SLC9B2: variants seen among roughly 807,000 people sequenced by gnomAD.
SLC9B2 encodes the protein solute carrier family 9 member B2, also known as sodium/hydrogen exchanger 9B2.
In SLC9B2, 39 loss-of-function variants were observed where a neutral mutation model predicts 52.2. The ratio of observed to expected loss-of-function variants is 0.75; its 90% CI spans 0.58 to 0.98. The LOEUF (loss-of-function observed/expected upper bound fraction) is 0.98, where lower values mean the gene tolerates loss of function less well. SLC9B2 is among the 50% of genes least tolerant of loss of function. The probability of loss-of-function intolerance (pLI) is 0.00; values close to 1 mark genes in which losing one functional copy is unlikely to be tolerated. For synonymous variants in SLC9B2, 214 were observed against 227.0 expected, an observed-to-expected ratio of 0.94 and a Z score of 0.51; for missense variants, 626 against 637.5, an observed-to-expected ratio of 0.98 and a Z score of 0.19.
intron 4 of SLC9B2, among the ~76,000 whole-genome samples, chr4:103,057,194 T>A (rs1431164772): frequency 6.6e-6 from 1 of 151,198 alleles, no homozygotes; most frequent in Non-Finnish European, 1.5e-5. Flanking sequence ...CATTAGGAAG[T>A]CTTCAGTGTT....
chr4:103,026,222 A>T lies in SLC9B2; in HGVS notation c.*148T>A. 7.2e-6 allele frequency: 5 copies of T among 694,320 alleles called. No homozygotes were observed. The highest frequency in any genetic ancestry group is 1.2e-5 in the Non-Finnish European group (5 of 427,468). 43.0% of individuals were successfully genotyped at this position (694,320 alleles called of 1,614,324 possible). A position where few individuals can be genotyped will look rare whatever the true frequency, so the allele number is the denominator to read the frequency against. On this transcript the variant is annotated 3_prime_UTR_variant, in exon 12 of 12. Coordinates refer to ENST00000394785, the MANE Select transcript of SLC9B2 (RefSeq NM_178833.7). ...ATAGATCATTACCACCCACATGGAA[A>T]GAGCAAGGGCTAAAAATGCTGTTTA... is the stretch of plus-strand genomic sequence containing the variant.
intron 4 of SLC9B2, among the ~76,000 whole-genome samples, chr4:103,052,046 A>T (rs1744732921): frequency 6.6e-6 from 1 of 152,226 alleles, no homozygotes; most frequent in Non-Finnish European, 1.5e-5. Flanking sequence ...TGCCTGCTAC[A>T]TGCTAGCCCT....
intron 9 of SLC9B2, among the ~76,000 whole-genome samples, chr4:103,036,456 T>C (rs1044971603): frequency 6.6e-6 from 1 of 151,824 alleles, no homozygotes; most frequent in African/African-American, 2.4e-5. Context: ...TCCAAGCCCT[T>C]GCAACACATC....
chr4:103,070,724 A>C (rs1352594248), intron 1 of SLC9B2, among the ~76,000 whole-genome samples: 1 of 152,230 alleles, frequency 6.6e-6, no homozygotes, highest in Non-Finnish European at 1.5e-5. Context: ...TACAGGCATG[A>C]GCCACCATGC....
intron 3 of SLC9B2, among the ~76,000 whole-genome samples, chr4:103,065,100 G>C (rs1745995705): frequency 6.6e-6 from 1 of 151,084 alleles, no homozygotes; most frequent in African/African-American, 2.4e-5. Flanking sequence ...GTGGCAGGAA[G>C]ACCATGACCA....
chr4:103,024,721 C>T lies in SLC9B2; in HGVS notation c.*1649G>A, dbSNP rs1246156793. On this transcript the variant is annotated 3_prime_UTR_variant, in exon 12 of 12. Coordinates refer to ENST00000394785, the MANE Select transcript of SLC9B2 (RefSeq NM_178833.7). ...AAGTATGTAATAAACACTTCAGGTA[C>T]ACAGATAACATGATAAAAACTGTAA... 6.6e-6 allele frequency among the ~76,000 whole-genome samples: 1 copy of T among 152,070 alleles called. No homozygotes were observed. Among genetic ancestry groups the T allele is most frequent in the Non-Finnish European group, 1.5e-5 (1 of 68,020 alleles).
At chr4:103,067,369 T>C in intron 2 of SLC9B2, 92 bp downstream of exon 2, 2 of 1,165,676 alleles carry the variant, frequency 1.7e-6, no homozygotes, top group Non-Finnish European at 1.3e-6. Context: ...TAGTCACACC[T>C]GCCTTGGATT....
chr4:103,032,341 G>GT (rs1351259543), intron 9 of SLC9B2, among the ~76,000 whole-genome samples: 1 of 152,038 alleles, frequency 6.6e-6, no homozygotes, highest in African/African-American at 2.4e-5. Context: ...AAAAAATACT[G>GT]TTTAAGGTTA....
intron 2 of SLC9B2, among the ~76,000 whole-genome samples, chr4:103,066,975 G>A (rs752725943): frequency 2.0e-5 from 3 of 150,596 alleles, no homozygotes; most frequent in Non-Finnish European, 4.4e-5. Flanking sequence ...ATCTCATTAG[G>A]TGCATGCAAA....
At position 103,024,122 on chromosome 4, in the gene SLC9B2, TCATA is replaced by T. The variant is rs1338124531; in HGVS notation, c.*2244_*2247del. Among the ~76,000 whole-genome samples, 1 of 152,200 alleles carries T rather than the reference TCATA, an allele frequency of 6.6e-6. No homozygotes were observed. The highest frequency in any genetic ancestry group is 2.4e-5 in the African/African-American group (1 of 41,438). On this transcript the variant is annotated 3_prime_UTR_variant, in exon 12 of 12. Coordinates refer to ENST00000394785, the MANE Select transcript of SLC9B2 (RefSeq NM_178833.7). The stretch of plus-strand genomic sequence containing the variant: ...TGTAGTTCCTGCATAATAGCACTTA[TCATA>T]TTGTTTTGCAATGTCTTGTTTAACT...
At chr4:103,043,487 C>T (rs889118981) in intron 8 of SLC9B2, 42 bp from the exon 9 acceptor site, 33 of 1,538,266 alleles carry the variant, frequency 2.1e-5, no homozygotes, top group Non-Finnish European at 2.8e-5. Context: ...ATTTCAAATC[C>T]CTGATTTTTA....
chr4:103,029,162 T>C (rs1011214349), intron 10 of SLC9B2, among the ~76,000 whole-genome samples: 3 of 152,178 alleles, frequency 2.0e-5, no homozygotes, highest in African/African-American at 7.2e-5. Flanking sequence ...TTATGCTTTA[T>C]AGCAAGAACC....
At chr4:103,047,848 AT>A (rs1744310868) in intron 6 of SLC9B2, among the ~76,000 whole-genome samples, 1 of 152,202 alleles carries the variant, frequency 6.6e-6, no homozygotes, top group Non-Finnish European at 1.5e-5. Flanking sequence ...AAAAACATGT[AT>A]GTGTAAAACT....
chr4:103,055,975 T>C (rs1386390081), intron 4 of SLC9B2, among the ~76,000 whole-genome samples: 4 of 151,526 alleles, frequency 2.6e-5, no homozygotes, highest in Admixed American at 1.3e-4. Flanking sequence ...GACTAATTTT[T>C]TTGTATTTTT....
rs1202208446 is a variant in SLC9B2 at position 103,025,718 on chromosome 4, A to C, written c.*652T>G. On this transcript the variant is annotated 3_prime_UTR_variant, in exon 12 of 12. Coordinates refer to ENST00000394785, the MANE Select transcript of SLC9B2 (RefSeq NM_178833.7). ...AAGGTAGACTCACATGGGCCACTGAAATAAAGGAACCTGGGTGGTCAGCTA... is the reference window on the plus strand; with the variant it reads ...AAGGTAGACTCACATGGGCCACTGACATAAAGGAACCTGGGTGGTCAGCTA... 6.6e-6 allele frequency: 1 copy of C among 152,250 alleles called. No homozygotes were observed. The highest frequency in any genetic ancestry group is 1.5e-5 in the Non-Finnish European group (1 of 68,142). 9.4% of individuals were successfully genotyped at this position (152,250 alleles called of 1,614,324 possible).
chr4:103,059,485 G>C (rs1050090650), intron 3 of SLC9B2, among the ~76,000 whole-genome samples: 2 of 152,170 alleles, frequency 1.3e-5, no homozygotes, highest in Non-Finnish European at 2.9e-5. Flanking sequence ...TGTTTTATTA[G>C]ATAGCTTAAT....
chr4:103,070,650 G>A (rs1375675005), intron 1 of SLC9B2, among the ~76,000 whole-genome samples: 3 of 152,076 alleles, frequency 2.0e-5, no homozygotes, highest in Non-Finnish European at 4.4e-5. Flanking sequence ...CCATGTCAGC[G>A]AGGCTGGTCT....
At chr4:103,030,641 A>T (rs1479100962) in intron 10 of SLC9B2, among the ~76,000 whole-genome samples, 1 of 151,990 alleles carries the variant, frequency 6.6e-6, no homozygotes. Flanking sequence ...AGTGAAATAG[A>T]GGAATTTTAT....
At chr4:103,045,608 C>T (rs900159215) in intron 7 of SLC9B2, among the ~76,000 whole-genome samples, 52 of 146,138 alleles carry the variant, frequency 3.6e-4, no homozygotes, top group Admixed American at 2.5e-3. Flanking sequence ...AAGGACCACA[C>T]GTAGTTGGTG....
Sources: allele counts gnomAD v4.1 joint callset (sites outside exome capture counted in the v4.1 genomes callset), GRCh38; gene constraint gnomAD v4.1.1; transcripts MANE v1.5; gene names NCBI Gene and HGNC (gene_info 2026-07-23, HGNC 2026-07-21).